The following STAU1 variants were observed in gnomAD, a reference collection of about 807,000 sequenced individuals.
STAU1 encodes the protein double-stranded RNA-binding protein Staufen homolog 1.
A neutral mutation model predicts 62.9 loss-of-function variants in STAU1; 13 were observed. The observed-to-expected ratio is 0.21, with a 90% CI of 0.13 to 0.33. The LOEUF is 0.33. Ranked by LOEUF, STAU1 falls within the 10% of genes least tolerant of loss-of-function variation. STAU1 has a pLI of 1.00. For missense variants in STAU1, 571 were observed against 712.1 expected (o/e 0.80, Z 2.25); for synonymous variants, 269 against 265.1 (o/e 1.01, Z -0.14).
Position 49,114,802 on chromosome 20 carries a change from T to A in STAU1, c.*76A>T. 6.8e-7 allele frequency: 1 copy of A among 1,476,506 alleles called. No homozygotes were observed. Among genetic ancestry groups the A allele is most frequent in the South Asian group, 1.2e-5 (1 of 86,734 alleles). 91.5% of individuals were successfully genotyped at this position (1,476,506 alleles called of 1,614,324 possible). On this transcript the variant is annotated 3_prime_UTR_variant, in exon 14 of 14. Coordinates refer to ENST00000371856, the MANE Select transcript of STAU1 (RefSeq NM_017453.4). ...TCGGCCCACTGGAGGTATCAGAAATTCCAAATTTTCAAAGCAGTTTCAGTA... is the reference window on the plus strand; with the variant it reads ...TCGGCCCACTGGAGGTATCAGAAATACCAAATTTTCAAAGCAGTTTCAGTA...
intron 5 of STAU1, among the ~76,000 whole-genome samples, chr20:49,145,221 C>G (rs1001704324): frequency 4.9e-5 from 7 of 142,382 alleles, no homozygotes; most frequent in African/African-American, 2.6e-5. Context: ...GTCAGGAGTT[C>G]GAGATGAGCC....
upstream of STAU1, among the ~76,000 whole-genome samples, chr20:49,189,681 C>T (rs1032774033): frequency 6.6e-6 from 1 of 151,060 alleles, no homozygotes. Context: ...AAATTATGCT[C>T]GCGTTGTGAG....
chr20:49,197,609 C>T, the STAU1 span, among the ~76,000 whole-genome samples: 2 of 151,698 alleles, frequency 1.3e-5, no homozygotes, highest in Non-Finnish European at 2.9e-5. Flanking sequence ...GCCATGTTGC[C>T]CAGGCTGGTC....
intron 8 of STAU1, among the ~76,000 whole-genome samples, chr20:49,121,309 G>A (rs1374342003): frequency 6.6e-6 from 1 of 152,130 alleles, no homozygotes; most frequent in Admixed American, 6.5e-5. Context: ...TCGGGAGGCT[G>A]AGGCAGGAGA....
chr20:49,175,243 A>C (rs1375682808), intron 1 of STAU1, among the ~76,000 whole-genome samples: 2 of 151,980 alleles, frequency 1.3e-5, no homozygotes, highest in Non-Finnish European at 2.9e-5. Flanking sequence ...TGGCACAAAA[A>C]TGGCTTGAAT....
intron 5 of STAU1, among the ~76,000 whole-genome samples, chr20:49,144,553 CA>C (rs2093082648): frequency 6.6e-6 from 1 of 152,136 alleles, no homozygotes; most frequent in Non-Finnish European, 1.5e-5. Context: ...TTTTTGTGTT[CA>C]TCTTCTGATT....
At chr20:49,125,210 A>AAAAAAAC (rs1555836519) in intron 6 of STAU1, among the ~76,000 whole-genome samples, 2 of 144,460 alleles carry the variant, frequency 1.4e-5, no homozygotes, top group Non-Finnish European at 3.0e-5. Context: ...AAAAAAAAAA[A>AAAAAAAC]AAAAAAAAAA....
chr20:49,119,484 T>C (rs2092413650), intron 9 of STAU1, among the ~76,000 whole-genome samples: 1 of 152,166 alleles, frequency 6.6e-6, no homozygotes, highest in African/African-American at 2.4e-5. Flanking sequence ...GGGGATTATT[T>C]TCATCTGATG....
the STAU1 span, among the ~76,000 whole-genome samples, chr20:49,196,299 G>GTA: frequency 7.3e-5 from 11 of 151,694 alleles, no homozygotes; most frequent in Non-Finnish European, 1.5e-4. Context: ...AGCCGGGCAA[G>GTA]GTGGCGGGCG....
At position 49,178,925 on chromosome 20, in the gene STAU1, A is replaced by AAC. The variant is rs1426432288; in HGVS notation, c.-159-4657_-159-4656insGT. Among the ~76,000 whole-genome samples the AAC allele has an allele frequency of 3.3e-5, 5 of 150,456 alleles. No individual in the cohort carries two copies. The East Asian group carries it at 9.7e-4, about 29-fold the overall frequency. On this transcript the variant is annotated intron_variant, in intron 1 of 13. Transcript: ENST00000371856. Reference sequence around the variant, plus strand: ...CGTCTCCACTAAAAAAAAAAAAAAAAAAACAACTAGCTGGGCATGGTGGCG... The same window carrying AAC: ...CGTCTCCACTAAAAAAAAAAAAAAAAACAAACAACTAGCTGGGCATGGTGGCG...
intron 6 of STAU1, among the ~76,000 whole-genome samples, chr20:49,125,386 T>A (rs1172247904): frequency 6.6e-6 from 1 of 150,800 alleles, no homozygotes; most frequent in South Asian, 2.1e-4. Context: ...AAAAATTAGC[T>A]AGGGGTGGTG....
chr20:49,130,399 A>G (rs141638754), intron 6 of STAU1, among the ~76,000 whole-genome samples: 1 of 152,250 alleles, frequency 6.6e-6, no homozygotes, highest in African/African-American at 2.4e-5. Flanking sequence ...AACCATATAC[A>G]CTTATCAAAA....
intron 1 of STAU1, among the ~76,000 whole-genome samples, chr20:49,184,649 C>T (rs2093766404): frequency 6.6e-6 from 1 of 152,142 alleles, no homozygotes; most frequent in South Asian, 2.1e-4. Context: ...TCTCAAGAAA[C>T]TATATTTATG....
chr20:49,218,550 A>T, the STAU1 span, among the ~76,000 whole-genome samples: 2 of 146,178 alleles, frequency 1.4e-5, no homozygotes, highest in Non-Finnish European at 3.0e-5. Context: ...AAAAACAAAC[A>T]AACAAACAAA....
intron 5 of STAU1, among the ~76,000 whole-genome samples, chr20:49,150,134 G>A (rs2093217110): frequency 6.6e-6 from 1 of 152,126 alleles, no homozygotes; most frequent in African/African-American, 2.4e-5. Context: ...ATTCACTAAT[G>A]CTTTGACCCC....
intron 6 of STAU1, among the ~76,000 whole-genome samples, chr20:49,134,080 G>C (rs947859322): frequency 6.6e-6 from 1 of 152,144 alleles, no homozygotes; most frequent in Non-Finnish European, 1.5e-5. Flanking sequence ...TAAATCAAAA[G>C]AATCTGCAAA....
At chr20:49,212,742 A>G in the STAU1 span, among the ~76,000 whole-genome samples, 1 of 150,250 alleles carries the variant, frequency 6.7e-6, no homozygotes, top group Non-Finnish European at 1.5e-5. Context: ...GATTACAGGC[A>G]TGTGCCACCA....
chr20:49,117,121 C>T lies in STAU1; in HGVS notation c.1632+5G>A, dbSNP rs1342985611. The T allele has an allele frequency of 4.3e-6, 7 of 1,613,860 alleles. No individual in the cohort carries two copies. The highest frequency in any genetic ancestry group is 1.3e-5 in the African/African-American group (1 of 74,902). On this transcript the variant is annotated splice_donor_5th_base_variant and intron_variant, in intron 12 of 13. Transcript: ENST00000371856. The surrounding 1 kb of genome is among the most constrained non-coding windows in gnomAD (Gnocchi z 4.6). The stretch of plus-strand genomic sequence containing the variant: ...CCCCAATCCCTCACCCAAGGTGTGA[C>T]GTACCATATCATGGCAGGACTCCAC...
At chr20:49,175,798 C>CTTTTTTTTT (rs386393906) in intron 1 of STAU1, among the ~76,000 whole-genome samples, 4 of 104,822 alleles carry the variant, frequency 3.8e-5, no homozygotes, top group African/African-American at 1.1e-4. Flanking sequence ...CTCATAATGC[C>CTTTTTTTTT]TTTTTTTTTT....
Sources: allele counts gnomAD v4.1 joint callset (sites outside exome capture counted in the v4.1 genomes callset), GRCh38; gene constraint gnomAD v4.1.1; non-coding constraint Gnocchi (gnomAD v3.1); transcripts MANE v1.5; gene names NCBI Gene and HGNC (gene_info 2026-07-23, HGNC 2026-07-21).